Variants in UBE3A observed in about 807,000 individuals in gnomAD.
UBE3A encodes ubiquitin protein ligase E3A, also known as ubiquitin-protein ligase E3A.
Under a neutral mutation model 83.4 loss-of-function variants are expected in UBE3A, and 6 were observed. The ratio of observed to expected loss-of-function variants is 0.07; its 90% CI spans 0.04 to 0.14. UBE3A has a LOEUF of 0.14. Ranked by LOEUF, UBE3A falls within the 10% of genes least tolerant of loss-of-function variation. The pLI, the probability that UBE3A is intolerant of heterozygous loss-of-function variation, is 1.00. For missense variants in UBE3A, 456 were observed against 1,036.1 expected (o/e 0.44, Z 7.69); for synonymous variants, 337 against 355.4 (o/e 0.95, Z 0.58).
chr15:25,388,867 A>G (rs982783140), intron 4 of UBE3A, among the ~76,000 whole-genome samples: 3 of 152,234 alleles, frequency 2.0e-5, no homozygotes, highest in South Asian at 4.1e-4. Flanking sequence ...ACCATTTTAC[A>G]TTAGCGTGTC....
At chr15:25,362,689 T>C (rs7166686) in intron 6 of UBE3A, among the ~76,000 whole-genome samples, 18,120 of 152,156 alleles carry the variant, frequency 0.12, 1,153 homozygotes, top group Middle Eastern at 0.23. Context: ...CTACGGAGTA[T>C]ACAGAATTCT....
At chr15:25,366,425 T>G (rs968425108) in intron 6 of UBE3A, among the ~76,000 whole-genome samples, 2 of 152,290 alleles carry the variant, frequency 1.3e-5, no homozygotes, top group East Asian at 1.9e-4. Context: ...ACTAGGCTAT[T>G]AGAAACCAGA....
At chr15:25,372,145 A>G (rs2080400387) in intron 5 of UBE3A, among the ~76,000 whole-genome samples, 1 of 152,162 alleles carries the variant, frequency 6.6e-6, no homozygotes, top group Non-Finnish European at 1.5e-5. Flanking sequence ...ATGAACCAAT[A>G]TGTCATGTAC....
chr15:25,357,651 A>C (rs1295163181), intron 7 of UBE3A: 2 of 152,124 alleles, frequency 1.3e-5, no homozygotes, highest in Non-Finnish European at 2.9e-5. Flanking sequence ...TGGCCTAAAA[A>C]ACAATTTTTA....
intron 4 of UBE3A, among the ~76,000 whole-genome samples, chr15:25,376,344 G>C (rs2081216676): frequency 9.2e-5 from 14 of 152,146 alleles, no homozygotes; most frequent in Admixed American, 9.2e-4. Context: ...GTGTTACACT[G>C]AAAGAAAGCG....
intron 1 of UBE3A, among the ~76,000 whole-genome samples, chr15:25,424,881 A>G (rs898899575): frequency 6.6e-6 from 1 of 152,200 alleles, no homozygotes; most frequent in Non-Finnish European, 1.5e-5. Context: ...TAATAAATGG[A>G]AAGATATCCC....
At chr15:25,378,147 T>TA (rs1370741481) in intron 4 of UBE3A, among the ~76,000 whole-genome samples, 9 of 152,276 alleles carry the variant, frequency 5.9e-5, no homozygotes, top group Middle Eastern at 6.8e-3. Flanking sequence ...CTCTGATTTT[T>TA]AAAAAAATTA....
chr15:25,351,068 C>T (rs901416241), intron 11 of UBE3A, among the ~76,000 whole-genome samples: 6 of 152,138 alleles, frequency 3.9e-5, no homozygotes, highest in African/African-American at 1.4e-4. Flanking sequence ...CACACAACAT[C>T]GACACCACCA....
At chr15:25,409,287 C>T (rs2089418702) in intron 2 of UBE3A, 80 bp from the exon 3 acceptor site, 1 of 480,818 alleles carries the variant, frequency 2.1e-6, no homozygotes, top group Non-Finnish European at 3.7e-6. Flanking sequence ...ATATTCAAAG[C>T]TTCAAATTAG....
chr15:25,352,156 C>T (rs2076602035), intron 11 of UBE3A, among the ~76,000 whole-genome samples: 1 of 152,194 alleles, frequency 6.6e-6, no homozygotes, highest in South Asian at 2.1e-4. Context: ...GACTGCGCCA[C>T]TGCACTCCAG....
chr15:25,356,641 A>G (rs2077258131), intron 8 of UBE3A, 50 bp downstream of exon 8: 2 of 1,555,768 alleles, frequency 1.3e-6, no homozygotes, highest in South Asian at 1.2e-5. Flanking sequence ...AAATTTTTGC[A>G]TTTAAATAAA....
intron 4 of UBE3A, among the ~76,000 whole-genome samples, chr15:25,392,099 TGA>T (rs1451654617): frequency 1.3e-5 from 2 of 152,092 alleles, no homozygotes; most frequent in African/African-American, 2.4e-5. Flanking sequence ...ATTTTTATGC[TGA>T]GAGAGTAAAA....
intron 4 of UBE3A, among the ~76,000 whole-genome samples, chr15:25,387,762 C>A (rs952457555): frequency 1.3e-5 from 2 of 152,022 alleles, no homozygotes; most frequent in African/African-American, 4.8e-5. Context: ...GACAAAATAA[C>A]TAATATCAGA....
chr15:25,409,523 T>TA (rs34285975), intron 2 of UBE3A: 225 of 145,184 alleles, frequency 1.5e-3, no homozygotes, highest in Middle Eastern at 3.5e-3. Flanking sequence ...TACTAAGAAT[T>TA]AAAAAAAAAA....
At chr15:25,398,321 A>G (rs2086083333) in intron 4 of UBE3A, among the ~76,000 whole-genome samples, 1 of 152,132 alleles carries the variant, frequency 6.6e-6, no homozygotes, top group Non-Finnish European at 1.5e-5. Context: ...ATTTTATGGC[A>G]GAACATTTAA....
At chr15:25,417,740 T>C (rs1887618755) in intron 1 of UBE3A, among the ~76,000 whole-genome samples, 1 of 151,936 alleles carries the variant, frequency 6.6e-6, no homozygotes, top group South Asian at 2.1e-4. Flanking sequence ...AAATAATGAA[T>C]ATGATGTTAA....
At chr15:25,381,425 A>G (rs1420379369) in intron 4 of UBE3A, among the ~76,000 whole-genome samples, 2 of 152,214 alleles carry the variant, frequency 1.3e-5, no homozygotes, top group Non-Finnish European at 1.5e-5. Flanking sequence ...CAGAAATGAC[A>G]AAAAAGAAAC....
At chr15:25,363,876 G>T (rs1254225021) in intron 6 of UBE3A, among the ~76,000 whole-genome samples, 1 of 151,914 alleles carries the variant, frequency 6.6e-6, no homozygotes, top group East Asian at 1.9e-4. Context: ...ACACATAAGT[G>T]ATTTCATAAA....
At chr15:25,436,540 AT>A (rs1458145593) in intron 1 of UBE3A, among the ~76,000 whole-genome samples, 1 of 152,116 alleles carries the variant, frequency 6.6e-6, no homozygotes, top group African/African-American at 2.4e-5. Context: ...TACACAGTAA[AT>A]TTTTTTGGAG....
Sources: gnomAD v4.1 joint callset for allele counts (sites outside exome capture counted in the v4.1 genomes callset) on GRCh38, gnomAD v4.1.1 for gene constraint, MANE v1.5 for transcripts, NCBI Gene and HGNC (gene_info 2026-07-23, HGNC 2026-07-21) for gene names.